The following PREX1 variants were observed in gnomAD, a reference collection of about 807,000 sequenced individuals.
The protein encoded by PREX1 is phosphatidylinositol 3,4,5-trisphosphate-dependent Rac exchanger 1 protein.
A neutral mutation model predicts 198.3 loss-of-function variants in PREX1; 41 were observed. The ratio of observed to expected loss-of-function variants is 0.21; its 90% CI spans 0.16 to 0.27. The LOEUF (loss-of-function observed/expected upper bound fraction) is 0.27. Among genes scored for constraint, PREX1 ranks in the 10% least tolerant of loss-of-function variants. The pLI, the probability that PREX1 is intolerant of heterozygous loss-of-function variation, is 1.00. For synonymous variants in PREX1, 843 were observed against 887.2 expected, an observed-to-expected ratio of 0.95 and a Z score of 0.89; for missense variants, 1,620 against 2,200.7, an observed-to-expected ratio of 0.74 and a Z score of 5.28.
intron 1 of PREX1, among the ~76,000 whole-genome samples, chr20:48,764,379 C>A (rs1248571864): frequency 6.6e-6 from 1 of 152,154 alleles, no homozygotes; most frequent in African/African-American, 2.4e-5. Flanking sequence ...GAATACACCA[C>A]CTTCCATGGC....
intron 7 of PREX1, among the ~76,000 whole-genome samples, chr20:48,695,137 G>A (rs1183910345): frequency 6.6e-6 from 1 of 152,122 alleles, no homozygotes; most frequent in Non-Finnish European, 1.5e-5. Context: ...GCTCCCCACA[G>A]GCACCCCCTT....
At position 48,645,965 on chromosome 20, in the gene PREX1, T is replaced by C. The variant is rs758733786; in HGVS notation, c.3398A>G (p.Glu1133Gly). Residue 1133 changes from glutamate (E) to glycine (G), a missense_variant, in exon 26 of 40, where the codon GAG (glutamate) becomes GGG (glycine). Physicochemically the swap from Glu to Gly is moderately conservative, Grantham distance 98. Transcript: ENST00000371941. ...ATGGTCACTCCTGTCCATCTCGCTC[T>C]CTTCACTGACCAGGGGCAGGGAGGA... ...EASSLPLVSE[E>G]SEMDRSDHGG... The C allele has an allele frequency of 1.9e-6, 3 of 1,614,232 alleles. No homozygotes were observed. The highest frequency in any genetic ancestry group is 1.6e-4 in the Middle Eastern group (1 of 6,062).
At chr20:48,850,614 G>GTT in the PREX1 span, among the ~76,000 whole-genome samples, 1 of 150,806 alleles carries the variant, frequency 6.6e-6, no homozygotes, top group African/African-American at 2.4e-5. Context: ...AAAATATTTT[G>GTT]TTTTTTTTTA....
chr20:48,841,774 T>C, the PREX1 span, among the ~76,000 whole-genome samples: 2 of 152,232 alleles, frequency 1.3e-5, no homozygotes, highest in South Asian at 2.1e-4. Flanking sequence ...AGCTGTTGCA[T>C]GAAGACTACC....
intron 1 of PREX1, among the ~76,000 whole-genome samples, chr20:48,805,445 CAG>C (rs1471660472): frequency 6.6e-6 from 1 of 152,242 alleles, no homozygotes; most frequent in African/African-American, 2.4e-5. Flanking sequence ...GGAGCAGAAA[CAG>C]AGAGACCCCC....
chr20:48,677,381 G>C (rs2089716885), intron 13 of PREX1, among the ~76,000 whole-genome samples: 1 of 124,472 alleles, frequency 8.0e-6, no homozygotes, highest in Non-Finnish European at 1.6e-5. Context: ...TATCAGGTCA[G>C]AGGACAGAAA....
chr20:48,741,094 T>C (rs980782867), intron 3 of PREX1, among the ~76,000 whole-genome samples: 2 of 152,174 alleles, frequency 1.3e-5, no homozygotes, highest in Non-Finnish European at 2.9e-5. Flanking sequence ...CTGCAACCTC[T>C]GCCTCCCGGG....
chr20:48,780,893 T>G (rs1012921047), intron 1 of PREX1, among the ~76,000 whole-genome samples: 1 of 152,218 alleles, frequency 6.6e-6, no homozygotes, highest in African/African-American at 2.4e-5. Context: ...GCTTTCACCA[T>G]CTTAATTAAG....
At chr20:48,632,220 C>A (rs2089320048) in intron 35 of PREX1, 57 bp downstream of exon 35, 6 of 1,538,424 alleles carry the variant, frequency 3.9e-6, no homozygotes, top group Non-Finnish European at 5.4e-6. Flanking sequence ...ATGCTAATGC[C>A]CACTCCACGT....
chr20:48,719,706 C>G (rs1568838219), intron 5 of PREX1, among the ~76,000 whole-genome samples: 1 of 152,164 alleles, frequency 6.6e-6, no homozygotes, highest in Non-Finnish European at 1.5e-5. Flanking sequence ...AAAGGCAACT[C>G]TCATGAAATG....
At chr20:48,884,637 A>G in the PREX1 span, among the ~76,000 whole-genome samples, 2 of 152,260 alleles carry the variant, frequency 1.3e-5, no homozygotes, top group Non-Finnish European at 2.9e-5. Context: ...CAAAAAATAT[A>G]AATGACTAAA....
At chr20:48,646,520 T>G (rs2089451993) in intron 25 of PREX1, among the ~76,000 whole-genome samples, 1 of 152,166 alleles carries the variant, frequency 6.6e-6, no homozygotes, top group African/African-American at 2.4e-5. Context: ...GGCGAAACCC[T>G]GTCTCTACTA....
the PREX1 span, among the ~76,000 whole-genome samples, chr20:48,857,337 CA>C: frequency 6.6e-6 from 1 of 152,170 alleles, no homozygotes; most frequent in East Asian, 1.9e-4. Flanking sequence ...TATAAGATAA[CA>C]TAATGAGAAA....
intron 21 of PREX1, 46 bp downstream of exon 21, chr20:48,652,540 C>T: frequency 6.4e-7 from 1 of 1,559,736 alleles, no homozygotes; most frequent in Non-Finnish European, 8.7e-7. Context: ...CCTCCGGAGT[C>T]TCAGTCCCTC....
intron 3 of PREX1, among the ~76,000 whole-genome samples, chr20:48,744,732 G>A (rs552447137): frequency 3.3e-5 from 5 of 152,332 alleles, no homozygotes; most frequent in Admixed American, 6.5e-5. Context: ...TGGCAGAGGG[G>A]CCCCGCCAGG....
chr20:48,628,135 C>T (rs944374246), intron 37 of PREX1, among the ~76,000 whole-genome samples, 172 bp from the exon 38 acceptor site: 3 of 152,140 alleles, frequency 2.0e-5, no homozygotes, highest in East Asian at 1.9e-4. Context: ...CGTCCCTCCC[C>T]GCTTGCTCCT....
chr20:48,790,948 C>T (rs1196961979), intron 1 of PREX1, among the ~76,000 whole-genome samples: 1 of 152,196 alleles, frequency 6.6e-6, no homozygotes, highest in Non-Finnish European at 1.5e-5. Flanking sequence ...CCACCCTCCC[C>T]AGTCAACTGA....
intron 14 of PREX1, among the ~76,000 whole-genome samples, chr20:48,670,172 G>A (rs1441785340): frequency 6.6e-6 from 1 of 152,144 alleles, no homozygotes; most frequent in Non-Finnish European, 1.5e-5. Context: ...GGGAAGTGAG[G>A]CTGAGAGGGG....
chr20:48,843,543 T>C, the PREX1 span, among the ~76,000 whole-genome samples: 1 of 152,164 alleles, frequency 6.6e-6, no homozygotes, highest in Non-Finnish European at 1.5e-5. Flanking sequence ...CTCTGCCAGG[T>C]TAATGCTATA....
Sources: allele counts gnomAD v4.1 joint callset (sites outside exome capture counted in the v4.1 genomes callset), GRCh38; gene constraint gnomAD v4.1.1; transcripts MANE v1.5; gene names NCBI Gene and HGNC (gene_info 2026-07-23, HGNC 2026-07-21).